The following SYT1 variants were observed in gnomAD, a reference collection of about 807,000 sequenced individuals.
SYT1 encodes synaptotagmin 1.
Under a neutral mutation model 44.8 loss-of-function variants are expected in SYT1, and 8 were observed. That is an observed-to-expected ratio of 0.18 (90% CI 0.10 to 0.32). The LOEUF is 0.32. Ranked by LOEUF, SYT1 falls within the 10% of genes least tolerant of loss-of-function variation. The pLI, the probability that SYT1 is intolerant of heterozygous loss-of-function variation, is 1.00. For missense variants in SYT1, 286 were observed against 509.3 expected (o/e 0.56, Z 4.22); for synonymous variants, 154 against 188.8 (o/e 0.82, Z 1.51).
intron 8 of SYT1, among the ~76,000 whole-genome samples, chr12:79,307,963 G>A (rs1459930871): frequency 6.6e-6 from 1 of 152,162 alleles, no homozygotes; most frequent in Non-Finnish European, 1.5e-5. Context: ...AGAAGGCCTC[G>A]AAGAGTGCTG....
chr12:79,155,464 GC>G (rs1204798255), intron 3 of SYT1, among the ~76,000 whole-genome samples: 1 of 152,016 alleles, frequency 6.6e-6, no homozygotes, highest in African/African-American at 2.4e-5. Context: ...ATCCAAACAT[GC>G]CTGAGTTTCT....
chr12:79,165,595 T>C lies in SYT1; in HGVS notation c.-17-51908T>C, dbSNP rs377207355. ...TTGATTGCAATGGAAGATGGCAATT[T>C]AGAACAATTATTTATCCTTATAATA... is the stretch of plus-strand genomic sequence containing the variant. On this transcript the variant is annotated intron_variant, in intron 3 of 10. Transcript: ENST00000261205. 1.6e-4 allele frequency among the ~76,000 whole-genome samples: 25 copies of C among 152,158 alleles called. 1 individual carries two copies. The highest frequency in any genetic ancestry group is 6.0e-4 in the African/African-American group (25 of 41,578).
chr12:79,196,790 T>A (rs1185524331), intron 3 of SYT1, among the ~76,000 whole-genome samples: 1 of 152,182 alleles, frequency 6.6e-6, no homozygotes, highest in Non-Finnish European at 1.5e-5. Flanking sequence ...AAACAATTAG[T>A]TCCAGTTTCT....
At chr12:78,892,689 A>T (rs1875122811) in intron 1 of SYT1, among the ~76,000 whole-genome samples, 1 of 151,818 alleles carries the variant, frequency 6.6e-6, no homozygotes, top group Non-Finnish European at 1.5e-5. Flanking sequence ...AGTCAAAAGG[A>T]AGTCAAGATT....
intron 8 of SYT1, among the ~76,000 whole-genome samples, chr12:79,328,135 T>G (rs1214107355): frequency 6.6e-6 from 1 of 152,184 alleles, no homozygotes; most frequent in Non-Finnish European, 1.5e-5. Flanking sequence ...TAGGAGTCCA[T>G]GAACGATATG....
At chr12:79,354,011 T>C (rs1272732736) in intron 9 of SYT1, among the ~76,000 whole-genome samples, 1 of 152,234 alleles carries the variant, frequency 6.6e-6, no homozygotes, top group Non-Finnish European at 1.5e-5. Context: ...ACTTATTTAT[T>C]AGGTATTTGA....
chr12:79,297,163 C>T lies in SYT1; in HGVS notation c.642+927C>T, dbSNP rs74573517. ...TTTCAATTATGTAAAGGGGAAGTGTCTTTCTATTCACTCTAAAATTTCTGA... is the reference window on the plus strand; with the variant it reads ...TTTCAATTATGTAAAGGGGAAGTGTTTTTCTATTCACTCTAAAATTTCTGA... On this transcript the variant is annotated intron_variant, in intron 7 of 10. Transcript: ENST00000261205. Among the ~76,000 whole-genome samples the T allele has an allele frequency of 7.9e-3, 1,209 of 152,162 alleles. 41 individuals are homozygous for T. The East Asian group carries it at 0.12, about 15-fold the overall frequency.
chr12:79,179,987 G>A (rs1592828089), intron 3 of SYT1, among the ~76,000 whole-genome samples: 1 of 151,758 alleles, frequency 6.6e-6, no homozygotes, highest in East Asian at 1.9e-4. Context: ...TTGATATTTG[G>A]GATTTTCCCC....
chr12:79,410,506 CAAAAA>C (rs5799432), intron 9 of SYT1, among the ~76,000 whole-genome samples: 1 of 75,916 alleles, frequency 1.3e-5, no homozygotes, highest in Non-Finnish European at 2.4e-5. Context: ...TGTTCAAAGT[CAAAAA>C]AAAAAAAAAA....
At chr12:78,976,692 T>G (rs1431811423) in intron 1 of SYT1, 1 of 152,232 alleles carries the variant, frequency 6.6e-6, no homozygotes, top group African/African-American at 2.4e-5. Context: ...TAGAACGATG[T>G]GATTTGTATT....
chr12:78,889,876 G>A (rs1359382050), intron 1 of SYT1, among the ~76,000 whole-genome samples: 1 of 151,842 alleles, frequency 6.6e-6, no homozygotes, highest in Admixed American at 6.6e-5. Flanking sequence ...AATTAATAAA[G>A]ACACTGGTCC....
At chr12:79,369,447 G>T (rs908085779) in intron 9 of SYT1, among the ~76,000 whole-genome samples, 8 of 152,214 alleles carry the variant, frequency 5.3e-5, no homozygotes, top group Admixed American at 1.3e-4. Flanking sequence ...CTCCAGACTG[G>T]GTGACAAAGC....
intron 2 of SYT1, among the ~76,000 whole-genome samples, chr12:79,015,420 G>A (rs1325280485): frequency 1.3e-5 from 2 of 151,698 alleles, no homozygotes; most frequent in African/African-American, 2.4e-5. Context: ...TATTTTTATA[G>A]GTGTGCACAT....
chr12:79,098,971 G>C (rs1038290341), intron 3 of SYT1, among the ~76,000 whole-genome samples: 1 of 152,016 alleles, frequency 6.6e-6, no homozygotes. Flanking sequence ...GCCACTCAAG[G>C]GCAAATTGGG....
intron 3 of SYT1, among the ~76,000 whole-genome samples, chr12:79,119,078 C>G (rs541180491): frequency 1.3e-5 from 2 of 152,244 alleles, no homozygotes; most frequent in East Asian, 1.9e-4. Flanking sequence ...TCCATTACCC[C>G]TAATATATTC....
chr12:79,324,701 C>G (rs774018994), intron 8 of SYT1, among the ~76,000 whole-genome samples: 1 of 151,558 alleles, frequency 6.6e-6, no homozygotes, highest in Non-Finnish European at 1.5e-5. Context: ...CAGCATCATA[C>G]AAATATCACT....
At chr12:78,865,570 G>T (rs954200955) in intron 1 of SYT1, among the ~76,000 whole-genome samples, 75 of 152,024 alleles carry the variant, frequency 4.9e-4, no homozygotes, top group African/African-American at 1.7e-3. Flanking sequence ...GATATGGGGG[G>T]GGGGGGGAAC....
chr12:79,430,484 C>A (rs1869711734), intron 9 of SYT1, among the ~76,000 whole-genome samples: 1 of 152,184 alleles, frequency 6.6e-6, no homozygotes, highest in South Asian at 2.1e-4. Context: ...CTCTTGCAGC[C>A]CCTAAGAGTT....
intron 1 of SYT1, among the ~76,000 whole-genome samples, chr12:78,944,213 T>C (rs1878534566): frequency 6.6e-6 from 1 of 151,654 alleles, no homozygotes; most frequent in Non-Finnish European, 1.5e-5. Flanking sequence ...TTTTAAACAG[T>C]TAAATAATGG....
Sources: gnomAD v4.1 joint callset for allele counts (sites outside exome capture counted in the v4.1 genomes callset) on GRCh38, gnomAD v4.1.1 for gene constraint, MANE v1.5 for transcripts, NCBI Gene and HGNC (gene_info 2026-07-23, HGNC 2026-07-21) for gene names.